CHCHD6: variants seen among roughly 807,000 people sequenced by gnomAD.
CHCHD6 encodes the protein coiled-coil-helix-coiled-coil-helix domain containing 6, also known as MICOS complex subunit MIC25.
In CHCHD6, 28 loss-of-function variants were observed where a neutral mutation model predicts 32.3. The observed-to-expected ratio is 0.87, with a 90% confidence interval of 0.64 to 1.19. The LOEUF (loss-of-function observed/expected upper bound fraction) is 1.19, where lower values mean the gene tolerates loss of function less well. CHCHD6 is among the 50% of genes most tolerant of loss of function. The pLI is 0.00. For missense variants in CHCHD6, 333 were observed against 307.0 expected (o/e 1.08, Z -0.63); for synonymous variants, 122 against 117.5 (o/e 1.04, Z -0.25).
chr3:126,914,060 A>T (rs1428083956), intron 5 of CHCHD6, among the ~76,000 whole-genome samples: 1 of 152,140 alleles, frequency 6.6e-6, no homozygotes, highest in South Asian at 2.1e-4. Flanking sequence ...ATCTGGACAG[A>T]TGGTTGCTGT....
intron 6 of CHCHD6, 34 bp from the exon 7 acceptor site, chr3:126,957,382 G>A: frequency 2.5e-6 from 4 of 1,601,546 alleles, no homozygotes; most frequent in Non-Finnish European, 3.4e-6. Context: ...GCTGGCACCT[G>A]AGCCCCAGGC....
At chr3:126,922,622 C>CAT (rs2078267240) in intron 6 of CHCHD6, among the ~76,000 whole-genome samples, 1 of 147,740 alleles carries the variant, frequency 6.8e-6, no homozygotes, top group Non-Finnish European at 1.5e-5. Context: ...CAGCCCACCA[C>CAT]GTGTGTGTGT....
intron 5 of CHCHD6, among the ~76,000 whole-genome samples, chr3:126,904,472 A>C (rs2077976770): frequency 6.6e-6 from 1 of 152,222 alleles, no homozygotes; most frequent in African/African-American, 2.4e-5. Flanking sequence ...TGTGAATCAC[A>C]TTGTTAAAAA....
At position 126,772,862 on chromosome 3, in the gene CHCHD6, G is replaced by T. The variant is rs532211877; in HGVS notation, c.411+39640G>T. Among the ~76,000 whole-genome samples, 249 of 152,310 alleles carry T rather than the reference G, an allele frequency of 1.6e-3. 2 individuals are homozygous for T. Among genetic ancestry groups the T allele is most frequent in the African/African-American group, 5.8e-3 (242 of 41,568 alleles). On this transcript the variant is annotated intron_variant, in intron 4 of 7. Transcript: ENST00000290913. ...CTTTGGTGTGTTTTTGTAGTGGCCA[G>T]TAATAGTCTTTCCTTTCAATATTTG...
chr3:126,810,006 A>T (rs1376423956), intron 4 of CHCHD6, among the ~76,000 whole-genome samples: 1 of 152,342 alleles, frequency 6.6e-6, no homozygotes, highest in East Asian at 1.9e-4. Context: ...TAGTTTTAAA[A>T]TAATATACAT....
chr3:126,859,673 A>C (rs1248850334), intron 5 of CHCHD6, among the ~76,000 whole-genome samples: 1 of 152,236 alleles, frequency 6.6e-6, no homozygotes, highest in East Asian at 1.9e-4. Flanking sequence ...GAAGCTGGGA[A>C]GCAGGCTGAA....
rs567309981 is a variant in CHCHD6, at chr3:126,766,220, G to A, written c.411+32998G>A. 1.8e-3 allele frequency among the ~76,000 whole-genome samples: 268 copies of A among 152,070 alleles called. 3 individuals carry two copies. The highest frequency in any genetic ancestry group is 6.2e-3 in the Admixed American group (95 of 15,276). On this transcript the variant is annotated intron_variant, in intron 4 of 7. Transcript: ENST00000290913. ...CAACTATCAGCAAGTATTTTAATTC[G>A]ACATTAAAGGGAAAAAAACGTACTT...
intron 5 of CHCHD6, among the ~76,000 whole-genome samples, chr3:126,889,033 G>A (rs1035594648): frequency 1.3e-5 from 2 of 152,228 alleles, no homozygotes; most frequent in African/African-American, 2.4e-5. Flanking sequence ...GGAGCCTCAG[G>A]AGAGTGGTGG....
intron 4 of CHCHD6, among the ~76,000 whole-genome samples, chr3:126,837,031 C>T (rs554505944): frequency 9.2e-5 from 14 of 152,270 alleles, no homozygotes; most frequent in East Asian, 1.9e-4. Flanking sequence ...GGGAATTGTG[C>T]GCCAGAGTGG....
intron 5 of CHCHD6, among the ~76,000 whole-genome samples, chr3:126,903,231 G>A (rs1323964443): frequency 6.6e-6 from 1 of 152,226 alleles, no homozygotes; most frequent in South Asian, 2.1e-4. Flanking sequence ...AAGAGCAGAA[G>A]CATCTGTTAA....
intron 4 of CHCHD6, among the ~76,000 whole-genome samples, chr3:126,741,762 C>T (rs1936296394): frequency 6.6e-6 from 1 of 152,186 alleles, no homozygotes; most frequent in South Asian, 2.1e-4. Flanking sequence ...GTGCCTGGAC[C>T]AATGCCGGGA....
At chr3:126,948,102 A>G (rs990883455) in intron 6 of CHCHD6, among the ~76,000 whole-genome samples, 1 of 152,200 alleles carries the variant, frequency 6.6e-6, no homozygotes, top group African/African-American at 2.4e-5. Flanking sequence ...TCCCCCGGTC[A>G]TTCCTGCCCA....
At chr3:126,825,840 T>C (rs6806042) in intron 4 of CHCHD6, among the ~76,000 whole-genome samples, 1 of 152,208 alleles carries the variant, frequency 6.6e-6, no homozygotes, top group African/African-American at 2.4e-5. Flanking sequence ...TTCAATTTGG[T>C]CTAACAACCT....
At chr3:126,765,450 T>G (rs2107674334) in intron 4 of CHCHD6, among the ~76,000 whole-genome samples, 1 of 152,316 alleles carries the variant, frequency 6.6e-6, no homozygotes, top group South Asian at 2.1e-4. Flanking sequence ...AGGACATTCT[T>G]TGGTAATCTC....
intron 4 of CHCHD6, among the ~76,000 whole-genome samples, chr3:126,778,661 T>C (rs926607689): frequency 6.6e-6 from 1 of 152,250 alleles, no homozygotes; most frequent in African/African-American, 2.4e-5. Context: ...ATGTTCTGGA[T>C]AGTAATCCTT....
chr3:126,846,627 T>C (rs969108963), intron 4 of CHCHD6, among the ~76,000 whole-genome samples: 3 of 152,220 alleles, frequency 2.0e-5, no homozygotes, highest in African/African-American at 7.2e-5. Flanking sequence ...TCATGAACAA[T>C]GGAGGCAAGA....
intron 4 of CHCHD6, among the ~76,000 whole-genome samples, chr3:126,821,735 T>G (rs1940164193): frequency 6.6e-6 from 1 of 152,170 alleles, no homozygotes; most frequent in South Asian, 2.1e-4. Context: ...ACCTCATGCT[T>G]GTTCTTGTCT....
intron 5 of CHCHD6, among the ~76,000 whole-genome samples, chr3:126,908,683 C>T (rs559236757): frequency 6.6e-5 from 10 of 152,300 alleles, no homozygotes; most frequent in Non-Finnish European, 8.8e-5. Context: ...TCTCGGATCT[C>T]TCTTCCAAAT....
chr3:126,958,698 C>A (rs562651444), intron 7 of CHCHD6, among the ~76,000 whole-genome samples: 1 of 152,332 alleles, frequency 6.6e-6, no homozygotes, highest in Admixed American at 6.5e-5. Context: ...GATGAGTGGT[C>A]GCAAGGCCTC....
Sources: gnomAD v4.1 joint callset for allele counts (sites outside exome capture counted in the v4.1 genomes callset) on GRCh38, gnomAD v4.1.1 for gene constraint, MANE v1.5 for transcripts, NCBI Gene and HGNC (gene_info 2026-07-23, HGNC 2026-07-21) for gene names.